RALGAPA2: variants seen among roughly 807,000 people sequenced by gnomAD.
RALGAPA2 encodes Ral GTPase activating protein catalytic subunit alpha 2.
RALGAPA2 carries 139 observed loss-of-function variants against 230.4 expected under a neutral mutation model. The observed-to-expected ratio is 0.60, with a 90% CI of 0.53 to 0.69. The LOEUF is 0.69. Ranked by LOEUF, RALGAPA2 falls within the 30% of genes least tolerant of loss-of-function variation. The pLI, the probability that RALGAPA2 is intolerant of heterozygous loss-of-function variation, is 0.00. For synonymous variants in RALGAPA2, 847 were observed against 837.8 expected (o/e 1.01, Z -0.19); for missense variants, 2,163 against 2,276.0 (o/e 0.95, Z 1.01).
intron 37 of RALGAPA2, among the ~76,000 whole-genome samples, chr20:20,426,984 T>C (rs1055117917): frequency 1.3e-5 from 2 of 152,216 alleles, no homozygotes; most frequent in Non-Finnish European, 2.9e-5. Context: ...GAGGAGGAAA[T>C]TGAAGAGCAG....
chr20:20,668,497 T>G (rs2068030685), intron 3 of RALGAPA2, among the ~76,000 whole-genome samples: 1 of 152,252 alleles, frequency 6.6e-6, no homozygotes, highest in African/African-American at 2.4e-5. Flanking sequence ...GTTCATTTTA[T>G]ATGTCCTTGT....
intron 33 of RALGAPA2, among the ~76,000 whole-genome samples, chr20:20,506,610 C>T (rs185578630): frequency 2.2e-4 from 34 of 152,232 alleles, no homozygotes; most frequent in African/African-American, 7.9e-4. Flanking sequence ...TTTTGCACTA[C>T]ATTCTGATAA....
At chr20:20,453,931 T>C (rs2061047306) in intron 37 of RALGAPA2, among the ~76,000 whole-genome samples, 1 of 152,230 alleles carries the variant, frequency 6.6e-6, no homozygotes, top group African/African-American at 2.4e-5. Flanking sequence ...TGATTATTTT[T>C]TGTCAAGATT....
chr20:20,670,444 T>G (rs1335374572), intron 3 of RALGAPA2, among the ~76,000 whole-genome samples: 1 of 152,164 alleles, frequency 6.6e-6, no homozygotes, highest in Non-Finnish European at 1.5e-5. Flanking sequence ...TCATAAAAAC[T>G]GGGAAGACCA....
intron 24 of RALGAPA2, among the ~76,000 whole-genome samples, chr20:20,546,372 C>G (rs1201794421): frequency 4.6e-5 from 7 of 152,164 alleles, no homozygotes. Flanking sequence ...TTAAAACTCT[C>G]TATTTTAGAC....
At chr20:20,395,361 C>T (rs948210861) in intron 39 of RALGAPA2, among the ~76,000 whole-genome samples, 2 of 152,246 alleles carry the variant, frequency 1.3e-5, no homozygotes, top group Non-Finnish European at 2.9e-5. Flanking sequence ...CGGCCGCCTT[C>T]CTGATATGAC....
intron 1 of RALGAPA2, among the ~76,000 whole-genome samples, chr20:20,697,855 AAG>A (rs1298405843): frequency 7.9e-5 from 12 of 152,196 alleles, no homozygotes; most frequent in African/African-American, 2.9e-4. Flanking sequence ...GAGGTGGGAA[AAG>A]AGAGTGGATA....
chr20:20,710,545 A>G (rs962502393), intron 1 of RALGAPA2, among the ~76,000 whole-genome samples: 3 of 152,250 alleles, frequency 2.0e-5, no homozygotes, highest in African/African-American at 7.2e-5. Context: ...ACTAGTAAGT[A>G]TATCAACAAA....
chr20:20,639,272 C>T (rs2066953638), intron 7 of RALGAPA2, among the ~76,000 whole-genome samples: 2 of 152,212 alleles, frequency 1.3e-5, no homozygotes, highest in Admixed American at 6.5e-5. Flanking sequence ...AGAATCAGTA[C>T]ATTTTATTCT....
intron 8 of RALGAPA2, among the ~76,000 whole-genome samples, chr20:20,636,542 G>A (rs1036486425): frequency 7.4e-4 from 6 of 8,144 alleles, no homozygotes; most frequent in South Asian, 3.6e-3. Context: ...CTCTCCCCGT[G>A]TGTGTGTGTG....
Position 20,472,843 on chromosome 20 carries a change from T to C in RALGAPA2, c.5481A>G (p.Pro1827=). 3 of 1,612,554 alleles carry C rather than the reference T, an allele frequency of 1.9e-6. No individual in the cohort carries two copies. The highest frequency in any genetic ancestry group is 2.5e-6 in the Non-Finnish European group (3 of 1,179,416). The stretch of plus-strand genomic sequence containing the variant: ...CAAAAAGATACAAGCTCTGGTAGAG[T>C]GGGATGAGGCACTTCACAGCCCTGC... ...NASRAVKCLI[P]LYQSFYEERA... is the part of the protein sequence containing the mutation. The change falls in exon 37 of 40, where the codon CCA becomes CCG. Residue 1827 remains proline, a synonymous_variant. Coordinates refer to ENST00000202677, the MANE Select transcript of RALGAPA2 (RefSeq NM_020343.4).
intron 23 of RALGAPA2, among the ~76,000 whole-genome samples, chr20:20,548,141 A>G (rs1247916838): frequency 2.0e-5 from 3 of 152,098 alleles, no homozygotes; most frequent in Non-Finnish European, 4.4e-5. Flanking sequence ...ACACACACAC[A>G]CACACACACA....
At chr20:20,429,561 AATTTACATGACCTC>A (rs1326594738) in intron 37 of RALGAPA2, among the ~76,000 whole-genome samples, 1 of 152,234 alleles carries the variant, frequency 6.6e-6, no homozygotes, top group Non-Finnish European at 1.5e-5. Flanking sequence ...AGATTTGAAA[AATTTACATGACCTC>A]ATTTACACAA....
chr20:20,525,432 C>A (rs763289691), intron 28 of RALGAPA2, among the ~76,000 whole-genome samples: 2 of 152,104 alleles, frequency 1.3e-5, no homozygotes, highest in Non-Finnish European at 2.9e-5. Flanking sequence ...CACTTAAGGT[C>A]AAAAATCACT....
chr20:20,521,670 A>G (rs1003941025), intron 30 of RALGAPA2, among the ~76,000 whole-genome samples: 2 of 152,260 alleles, frequency 1.3e-5, no homozygotes, highest in African/African-American at 2.4e-5. Flanking sequence ...GCCTTTGTAC[A>G]CATACAAGCC....
At chr20:20,659,931 A>C (rs1453332231) in intron 3 of RALGAPA2, 2 of 364,140 alleles carry the variant, frequency 5.5e-6, no homozygotes, top group Non-Finnish European at 1.1e-5. Context: ...TCACCAGCTT[A>C]CAGAGCTACA....
intron 3 of RALGAPA2, among the ~76,000 whole-genome samples, chr20:20,656,990 T>G (rs754110195): frequency 8.5e-5 from 13 of 152,200 alleles, no homozygotes; most frequent in Non-Finnish European, 1.6e-4. Context: ...CTAAGTTAGA[T>G]CCTCTGGTTC....
rs779926253 is a variant in RALGAPA2 at position 20,512,963 on chromosome 20, T to C, written c.4406A>G (p.Lys1469Arg). 2.9e-5 allele frequency: 46 copies of C among 1,613,610 alleles called. No individual in the cohort carries two copies. The Admixed American group carries it at 7.7e-4, about 27-fold the overall frequency. Residue 1469 changes from lysine to arginine, a missense_variant, in exon 32 of 40, where the codon AAG becomes AGG. By Grantham distance (26) the Lys-to-Arg change is conservative (BLOSUM62 2). Coordinates refer to ENST00000202677, the MANE Select transcript of RALGAPA2 (RefSeq NM_020343.4). ...VRVIVRDISGKYSWDGKVLYG... is the reference protein window; with the variant it reads ...VRVIVRDISGRYSWDGKVLYG... Reference sequence around the variant, plus strand: ...TAAAACCTTACCATCCCAAGAGTACTTCCCTGAGATATCCCTCACAATTAC... The same window carrying C: ...TAAAACCTTACCATCCCAAGAGTACCTCCCTGAGATATCCCTCACAATTAC...
At chr20:20,484,322 T>C (rs769572777) in intron 36 of RALGAPA2, among the ~76,000 whole-genome samples, 10 of 152,176 alleles carry the variant, frequency 6.6e-5, no homozygotes, top group Middle Eastern at 3.2e-3. Context: ...GTGTGTTCTA[T>C]GGTTCAGGGT....
Sources: allele counts gnomAD v4.1 joint callset (sites outside exome capture counted in the v4.1 genomes callset), GRCh38; gene constraint gnomAD v4.1.1; transcripts MANE v1.5; gene names NCBI Gene and HGNC (gene_info 2026-07-23, HGNC 2026-07-21).